PDLIM5: variants seen among roughly 807,000 people sequenced by gnomAD.
PDLIM5 encodes the protein PDZ and LIM domain protein 5.
Under a neutral mutation model 64.2 loss-of-function variants are expected in PDLIM5, and 34 were observed. The observed-to-expected ratio is 0.53, with a 90% confidence interval of 0.40 to 0.71. PDLIM5 has a LOEUF of 0.71. PDLIM5 is among the 30% of genes least tolerant of loss of function. The pLI is 0.00. For missense variants in PDLIM5, 683 were observed against 733.6 expected (o/e 0.93, Z 0.80); for synonymous variants, 253 against 269.1 (o/e 0.94, Z 0.59).
At chr4:94,633,554 G>A (rs1435919416) in intron 8 of PDLIM5, among the ~76,000 whole-genome samples, 29 of 152,100 alleles carry the variant, frequency 1.9e-4, no homozygotes, top group Non-Finnish European at 1.0e-4. Flanking sequence ...CCCAATCCTA[G>A]AATCAGCAAT....
chr4:94,504,351 T>C (rs1728196148), intron 2 of PDLIM5, among the ~76,000 whole-genome samples: 1 of 151,890 alleles, frequency 6.6e-6, no homozygotes, highest in African/African-American at 2.4e-5. Context: ...GCGGTGGCAC[T>C]ATCTCGGCTC....
intron 3 of PDLIM5, among the ~76,000 whole-genome samples, chr4:94,553,284 T>C (rs1243688976): frequency 6.6e-6 from 1 of 152,056 alleles, no homozygotes; most frequent in Non-Finnish European, 1.5e-5. Context: ...GATTTTTGCA[T>C]TTTTAATAGA....
At chr4:94,582,703 T>G in intron 5 of PDLIM5, 1 of 1,568,148 alleles carries the variant, frequency 6.4e-7, no homozygotes, top group Non-Finnish European at 8.8e-7. Flanking sequence ...TTGTGTGTGT[T>G]ATTCTTCCCT....
At chr4:94,628,951 C>CTTTTCCTTTTTTTTT (rs59325015) in intron 8 of PDLIM5, among the ~76,000 whole-genome samples, 2 of 151,484 alleles carry the variant, frequency 1.3e-5, no homozygotes, top group South Asian at 2.1e-4. Flanking sequence ...TTTTTTATTT[C>CTTTTCCTTTTTTTTT]TTTTCCTTTT....
rs554066685 is a variant in PDLIM5, at chr4:94,655,076, C to G, written c.1464+436C>G. 3.3e-5 allele frequency among the ~76,000 whole-genome samples: 5 copies of G among 152,206 alleles called. No individual in the cohort carries two copies. In the South Asian group the frequency reaches 1.0e-3, roughly 32 times the overall value. ...CTTGTCAGAGTTCAAGCACAGGACA[C>G]TGATTTCATGAAATATATAAAACAT... On this transcript the variant is annotated intron_variant, in intron 10 of 12. Coordinates refer to ENST00000317968, the MANE Select transcript of PDLIM5 (RefSeq NM_006457.5).
chr4:94,458,077 G>T (rs980022778), intron 2 of PDLIM5, among the ~76,000 whole-genome samples: 7 of 152,118 alleles, frequency 4.6e-5, no homozygotes, highest in Non-Finnish European at 1.0e-4. Context: ...CCCTTGTGTG[G>T]TTTAAATATG....
At chr4:94,655,194 A>AT (rs1320062996) in intron 10 of PDLIM5, among the ~76,000 whole-genome samples, 3 of 152,134 alleles carry the variant, frequency 2.0e-5, no homozygotes, top group East Asian at 1.9e-4. Context: ...TGGAAAAATA[A>AT]TTTTTTTTCC....
chr4:94,627,434 A>G (rs1000701760), intron 8 of PDLIM5, among the ~76,000 whole-genome samples: 35 of 152,242 alleles, frequency 2.3e-4, no homozygotes, highest in African/African-American at 8.4e-4. Context: ...TTCTGAGATT[A>G]AAATATTAAA....
chr4:94,596,347 G>A (rs1026578118), intron 7 of PDLIM5, among the ~76,000 whole-genome samples: 1 of 152,040 alleles, frequency 6.6e-6, no homozygotes, highest in Non-Finnish European at 1.5e-5. Flanking sequence ...TATTCACCAC[G>A]TTCCTTAGAG....
chr4:94,477,676 A>G (rs1438066177), intron 2 of PDLIM5, among the ~76,000 whole-genome samples: 1 of 152,168 alleles, frequency 6.6e-6, no homozygotes, highest in Non-Finnish European at 1.5e-5. Context: ...TGACTCCTGA[A>G]CCACATGAGT....
chr4:94,565,623 C>A (rs1479099401), intron 3 of PDLIM5, among the ~76,000 whole-genome samples: 3 of 152,090 alleles, frequency 2.0e-5, no homozygotes, highest in African/African-American at 4.8e-5. Flanking sequence ...AATAGAACAC[C>A]CAATTTAGCA....
chr4:94,456,663 C>A, intron 2 of PDLIM5: 1 of 1,105,302 alleles, frequency 9.0e-7, no homozygotes, highest in Non-Finnish European at 1.2e-6. Flanking sequence ...TGTGGCATTT[C>A]CATATTACTG....
chr4:94,459,934 C>T (rs1438057013), intron 2 of PDLIM5, among the ~76,000 whole-genome samples: 1 of 152,182 alleles, frequency 6.6e-6, no homozygotes, highest in East Asian at 1.9e-4. Context: ...GACCTGCCAG[C>T]TGCAGTTTCC....
At chr4:94,649,363 C>G (rs1249467801) in intron 9 of PDLIM5, among the ~76,000 whole-genome samples, 1 of 152,162 alleles carries the variant, frequency 6.6e-6, no homozygotes, top group African/African-American at 2.4e-5. Context: ...GCCACAGGTT[C>G]TACCCACACT....
rs1740906691 is a variant in PDLIM5 at position 94,640,454 on chromosome 4, G to A, written c.1283+4G>A. Reference sequence around the variant, plus strand: ...CCCATTGTAACCAGGTCATCAGGTTGGTTGTTTTTTGAAATTTTCTTGAAA... The same window carrying A: ...CCCATTGTAACCAGGTCATCAGGTTAGTTGTTTTTTGAAATTTTCTTGAAA... On this transcript the variant is annotated splice_donor_region_variant and intron_variant, in intron 9 of 12. Transcript: ENST00000317968. 1 of 1,534,102 alleles carries A rather than the reference G, an allele frequency of 6.5e-7. No homozygotes were observed. Among genetic ancestry groups the A allele is most frequent in the Non-Finnish European group, 8.8e-7 (1 of 1,140,680 alleles).
chr4:94,489,664 A>T (rs976862569), intron 2 of PDLIM5, among the ~76,000 whole-genome samples: 11 of 152,110 alleles, frequency 7.2e-5, no homozygotes, highest in Non-Finnish European at 2.9e-5. Flanking sequence ...AGTGGCTCAC[A>T]CCTATAATCC....
chr4:94,537,303 GA>G (rs1243284469), intron 3 of PDLIM5, among the ~76,000 whole-genome samples: 1 of 152,100 alleles, frequency 6.6e-6, no homozygotes, highest in Non-Finnish European at 1.5e-5. Context: ...CTGTTACAAT[GA>G]ATGTGAGGGA....
At chr4:94,655,853 T>C (rs536614782) in intron 10 of PDLIM5, among the ~76,000 whole-genome samples, 1 of 152,316 alleles carries the variant, frequency 6.6e-6, no homozygotes, top group Admixed American at 6.5e-5. Context: ...GTTATTTGAT[T>C]ACCTGTTAAA....
intron 2 of PDLIM5, among the ~76,000 whole-genome samples, chr4:94,465,364 TC>T (rs1389170473): frequency 7.2e-5 from 11 of 152,292 alleles, no homozygotes; most frequent in Middle Eastern, 6.8e-3. Flanking sequence ...TATTTAATTC[TC>T]ATAACAGCCC....
Sources: allele counts gnomAD v4.1 joint callset (sites outside exome capture counted in the v4.1 genomes callset), GRCh38; gene constraint gnomAD v4.1.1; transcripts MANE v1.5; gene names NCBI Gene and HGNC (gene_info 2026-07-23, HGNC 2026-07-21).